Variants in DISC1 observed in about 807,000 individuals in gnomAD.
DISC1 encodes disrupted in schizophrenia 1 protein.
Under a neutral mutation model 84.5 loss-of-function variants are expected in DISC1, and 57 were observed. The ratio of observed to expected loss-of-function variants is 0.67; its 90% CI spans 0.55 to 0.84. The LOEUF (loss-of-function observed/expected upper bound fraction) is 0.84. Among genes scored for constraint, DISC1 ranks in the 40% least tolerant of loss-of-function variants. DISC1 has a pLI of 0.00. For missense variants in DISC1, 1,000 were observed against 1,057.8 expected, an observed-to-expected ratio of 0.95 and a Z score of 0.76; for synonymous variants, 411 against 415.2, an observed-to-expected ratio of 0.99 and a Z score of 0.12.
At chr1:231,902,281 T>C (rs1244266639) in intron 9 of DISC1, among the ~76,000 whole-genome samples, 3 of 152,244 alleles carry the variant, frequency 2.0e-5, no homozygotes, top group Non-Finnish European at 4.4e-5. Context: ...TTATTTGTTT[T>C]TGTGCATATT....
intron 3 of DISC1, among the ~76,000 whole-genome samples, chr1:231,718,157 G>A (rs2069033945): frequency 6.6e-6 from 1 of 152,024 alleles, no homozygotes; most frequent in Admixed American, 6.6e-5. Context: ...ACACGCACTC[G>A]CCTCTTAATG....
At chr1:231,937,659 G>A (rs2091063209) in intron 9 of DISC1, among the ~76,000 whole-genome samples, 1 of 152,180 alleles carries the variant, frequency 6.6e-6, no homozygotes, top group African/African-American at 2.4e-5. Context: ...GGTGGATGGG[G>A]GGATGTCCAG....
chr1:231,865,705 T>A (rs2085009061), intron 9 of DISC1, among the ~76,000 whole-genome samples: 1 of 152,224 alleles, frequency 6.6e-6, no homozygotes, highest in African/African-American at 2.4e-5. Flanking sequence ...ACATGACATT[T>A]GTCCTTTTGT....
chr1:231,954,835 A>G lies in DISC1; in HGVS notation c.1982-3993A>G, dbSNP rs1158962903. ...TGTCTTGAAGGTTGTGAGTCAACTT[A>G]GTGAATACATGCAAGGTACTTTTAG... On this transcript the variant is annotated intron_variant, in intron 9 of 12. Transcript: ENST00000439617. The surrounding 1 kb of genome is among the most constrained non-coding windows in gnomAD (Gnocchi z 4.8). 6.6e-6 allele frequency among the ~76,000 whole-genome samples: 1 copy of G among 152,234 alleles called. No individual in the cohort carries two copies. The highest frequency in any genetic ancestry group is 1.5e-5 in the Non-Finnish European group (1 of 68,044).
chr1:231,694,046 G>C lies in DISC1; in HGVS notation c.288G>C (p.Arg96=), dbSNP rs2065359913. 3 of 1,614,094 alleles carry C rather than the reference G, an allele frequency of 1.9e-6. No homozygotes were observed. Among genetic ancestry groups the C allele is most frequent in the Admixed American group, 3.3e-5 (2 of 60,010 alleles). Residue 96 remains arginine, a synonymous_variant, in exon 2 of 13, where the codon CGG becomes CGC. Coordinates refer to ENST00000439617, the MANE Select transcript of DISC1 (RefSeq NM_018662.3). ...CGLDSRGLLV[R]SPVSKSAAAP... ...TTGACTCGAGAGGCCTCTTGGTCCG[G>C]AGCCCTGTTTCCAAGAGTGCAGCAG...
chr1:231,990,563 C>T (rs190957438), intron 10 of DISC1, among the ~76,000 whole-genome samples: 9 of 152,320 alleles, frequency 5.9e-5, no homozygotes, highest in Non-Finnish European at 1.2e-4. Context: ...GGGTGACAGT[C>T]TGACAGCCTG....
chr1:231,843,102 T>C (rs2083192559), intron 9 of DISC1, among the ~76,000 whole-genome samples: 1 of 151,834 alleles, frequency 6.6e-6, no homozygotes, highest in African/African-American at 2.4e-5. Context: ...CAGATAAGTG[T>C]ATGATGGGGG....
At chr1:231,720,874 C>T (rs1222445459) in intron 3 of DISC1, 2 of 1,290,950 alleles carry the variant, frequency 1.5e-6, no homozygotes, top group African/African-American at 3.0e-5. Context: ...TGCTACCAGT[C>T]ATCTCACTTT....
At chr1:231,667,924 G>C (rs982974175) in intron 1 of DISC1, among the ~76,000 whole-genome samples, 1 of 151,950 alleles carries the variant, frequency 6.6e-6, no homozygotes. Context: ...GGCGTGGTGG[G>C]GGGTGCCTGT....
At chr1:231,949,918 G>T (rs1015239895) in intron 9 of DISC1, among the ~76,000 whole-genome samples, 1 of 152,138 alleles carries the variant, frequency 6.6e-6, no homozygotes, top group Admixed American at 6.6e-5. Context: ...AACCCAAGTG[G>T]GTCTGAATTT....
chr1:231,977,072 T>C (rs985550490), intron 10 of DISC1, among the ~76,000 whole-genome samples: 2 of 152,096 alleles, frequency 1.3e-5, no homozygotes, highest in Admixed American at 6.5e-5. Context: ...CTTAAAAAAA[T>C]GATTACTGTG....
chr1:232,030,690 G>A (rs190979176), intron 12 of DISC1, among the ~76,000 whole-genome samples: 136 of 152,316 alleles, frequency 8.9e-4, no homozygotes, highest in African/African-American at 3.2e-3. Context: ...AGCGTGAACA[G>A]ACAAAGGTAA....
At chr1:231,783,986 G>A (rs768697172) in intron 6 of DISC1, among the ~76,000 whole-genome samples, 7 of 152,160 alleles carry the variant, frequency 4.6e-5, no homozygotes, top group Admixed American at 6.5e-5. Context: ...GACATCGGCC[G>A]GGCACAGTGG....
intron 9 of DISC1, among the ~76,000 whole-genome samples, chr1:231,842,577 T>A (rs1007738670): frequency 6.6e-6 from 1 of 152,202 alleles, no homozygotes; most frequent in Non-Finnish European, 1.5e-5. Flanking sequence ...AACATATTCC[T>A]TCCTAAATGA....
chr1:231,885,473 T>C (rs1318330616), intron 9 of DISC1, among the ~76,000 whole-genome samples: 1 of 152,226 alleles, frequency 6.6e-6, no homozygotes, highest in Non-Finnish European at 1.5e-5. Flanking sequence ...ATTGTCTGCC[T>C]GAAAATGTGA....
intron 10 of DISC1, among the ~76,000 whole-genome samples, chr1:232,004,901 CTTCT>C (rs1667174483): frequency 9.9e-6 from 1 of 101,236 alleles, no homozygotes; most frequent in Non-Finnish European, 2.0e-5. Flanking sequence ...TCCTTCCTTC[CTTCT>C]TTCCTTCCTT....
At chr1:231,762,104 CTTCT>C (rs1212358035) in intron 4 of DISC1, among the ~76,000 whole-genome samples, 11 of 150,980 alleles carry the variant, frequency 7.3e-5, no homozygotes, top group African/African-American at 2.7e-4. Flanking sequence ...TTTTTTCTTT[CTTCT>C]TTCCTTTCTT....
chr1:231,971,921 AAGAG>A (rs1662015126), intron 10 of DISC1, among the ~76,000 whole-genome samples: 1 of 152,234 alleles, frequency 6.6e-6, no homozygotes, highest in Non-Finnish European at 1.5e-5. Flanking sequence ...TAAGAAAAAG[AAGAG>A]AATCACCAAC....
At chr1:231,951,417 T>C (rs1307891717) in intron 9 of DISC1, among the ~76,000 whole-genome samples, 5 of 152,188 alleles carry the variant, frequency 3.3e-5, no homozygotes, top group African/African-American at 1.2e-4. Flanking sequence ...TGATATGACA[T>C]GAAATGCCTG....
Sources: allele counts gnomAD v4.1 joint callset (sites outside exome capture counted in the v4.1 genomes callset), GRCh38; gene constraint gnomAD v4.1.1; non-coding constraint Gnocchi (gnomAD v3.1); transcripts MANE v1.5; gene names NCBI Gene and HGNC (gene_info 2026-07-23, HGNC 2026-07-21).